The following HOXB2 variants were observed in gnomAD, a reference collection of about 807,000 sequenced individuals.
HOXB2 encodes the protein homeobox B2, also known as homeobox protein Hox-B2.
Under a neutral mutation model 13.1 loss-of-function variants are expected in HOXB2, and 14 were observed. The ratio of observed to expected loss-of-function variants is 1.07; its 90% CI spans 0.71 to 1.67. HOXB2 has a LOEUF of 1.67. Among genes scored for constraint, HOXB2 ranks in the 40% most tolerant of loss-of-function variants. The pLI is 0.00. For missense variants in HOXB2, 582 were observed against 488.3 expected (o/e 1.19, Z -1.81); for synonymous variants, 261 against 233.1 (o/e 1.12, Z -1.09).
In HOXB2 at chr17:48,542,729, TAAAG is replaced by T. The variant is rs2068510227; in HGVS notation, c.*335_*338del. On this transcript the variant is annotated 3_prime_UTR_variant, in exon 2 of 2. Coordinates refer to ENST00000330070, the MANE Select transcript of HOXB2 (RefSeq NM_002145.4). Reference sequence around the variant, plus strand: ...AAATACTTTCCCCTTTTCCTATTATTAAAGAATTTTAATAAATAATCTACAGTCT... The same window carrying T: ...AAATACTTTCCCCTTTTCCTATTATTAATTTTAATAAATAATCTACAGTCT... 5.3e-6 allele frequency: 1 copy of T among 186,948 alleles called. No individual in the cohort carries two copies. The highest frequency in any genetic ancestry group is 1.1e-5 in the Non-Finnish European group (1 of 91,524). The allele number at this position is 186,948 out of a possible 1,614,324, so 11.6% of individuals were successfully genotyped here.
At position 48,543,692 on chromosome 17, in the gene HOXB2, A is replaced by C; in HGVS notation, c.447T>G (p.Ala149=). Reference sequence around the variant, plus strand: ...GTTCCAGCAGCTGCGTGTTGGTGTAAGCCGTGCGCAGCCTGCGCGCCCCGC... The same window carrying C: ...GTTCCAGCAGCTGCGTGTTGGTGTACGCCGTGCGCAGCCTGCGCGCCCCGC... ...GGGGARRLRT[A]YTNTQLLELE... The change falls in exon 2 of 2, where the codon GCT becomes GCG. Residue 149 remains alanine (A), a synonymous_variant. Coordinates refer to ENST00000330070, the MANE Select transcript of HOXB2 (RefSeq NM_002145.4). 1 of 1,610,654 alleles carries C rather than the reference A, an allele frequency of 6.2e-7. No individual in the cohort carries two copies. Among genetic ancestry groups the C allele is most frequent in the Non-Finnish European group, 8.5e-7 (1 of 1,178,212 alleles).
In HOXB2 at chr17:48,543,443, C is replaced by T. The variant is rs766740565; in HGVS notation, c.696G>A (p.Pro232=). Residue 232 remains proline, a synonymous_variant, in exon 2 of 2, where the codon CCG becomes CCA. Coordinates refer to ENST00000330070, the MANE Select transcript of HOXB2 (RefSeq NM_002145.4). ...CDPAEEPAAS[P]GGPSASRAAW... is the part of the protein sequence containing the mutation. ...CCGCCCGCGAGGCGGAGGGGCCGCC[C>T]GGGCTGGCCGCGGGTTCCTCGGCAG... 3.1e-5 allele frequency: 49 copies of T among 1,600,960 alleles called. No homozygotes were observed. The African/African-American group carries it at 4.3e-4, about 14-fold the overall frequency.
chr17:48,543,251 CG>C lies in HOXB2; in HGVS notation c.887del (p.Ser296TrpfsTer91). On this transcript the variant is annotated frameshift_variant, in exon 2 of 2. Transcript: ENST00000330070. LOFTEE classifies it high-confidence loss of function. ...EPGPLPEDVF[S>X]GRQDSPFLPD... Reference sequence around the variant, plus strand: ...GAAGGAAAGGTGAATCCTGGCGCCCCGAGAAGACGTCTTCTGGCAATGGCCC... The same window carrying C: ...GAAGGAAAGGTGAATCCTGGCGCCCCAGAAGACGTCTTCTGGCAATGGCCC... 15 of 1,610,798 alleles carry C rather than the reference CG, an allele frequency of 9.3e-6. No homozygotes were observed. Among genetic ancestry groups the C allele is most frequent in the Non-Finnish European group, 1.3e-5 (15 of 1,179,894 alleles).
rs1167247780 is a variant in HOXB2, at chr17:48,544,737, C to G, written c.175G>C (p.Gly59Arg). Reference sequence around the variant, plus strand: ...CTGGGTCTCTGAAGGGTGGAGGCGCCGGGCTGGAGGCTGGGGAAGGTTTGC... The same window carrying G: ...CTGGGTCTCTGAAGGGTGGAGGCGCGGGGCTGGAGGCTGGGGAAGGTTTGC... ...FEQTFPSLQP[G>R]ASTLQRPRSQ... Residue 59 changes from glycine to arginine, a missense_variant, in exon 1 of 2, where the codon GGC becomes CGC. Coordinates refer to ENST00000330070, the MANE Select transcript of HOXB2 (RefSeq NM_002145.4). The G allele has an allele frequency of 6.2e-7, 1 of 1,613,964 alleles. No homozygotes were observed. Among genetic ancestry groups the G allele is most frequent in the Non-Finnish European group, 8.5e-7 (1 of 1,179,986 alleles).
In HOXB2 at chr17:48,545,008, G is replaced by C; in HGVS notation, c.-97C>G. The stretch of plus-strand genomic sequence containing the variant: ...TGCACCCCCCCCGATTTATGTAATG[G>C]AGCGATTTTGGGAGGGGGAGATTTC... On this transcript the variant is annotated 5_prime_UTR_variant, in exon 1 of 2. Coordinates refer to ENST00000330070, the MANE Select transcript of HOXB2 (RefSeq NM_002145.4). 1.6e-6 allele frequency: 2 copies of C among 1,254,324 alleles called. No homozygotes were observed. Among genetic ancestry groups the C allele is most frequent in the Non-Finnish European group, 1.1e-6 (1 of 924,534 alleles). 77.7% of individuals were successfully genotyped at this position (1,254,324 alleles called of 1,614,324 possible). A position where few individuals can be genotyped will look rare whatever the true frequency, so the allele number is the denominator to read the frequency against.
chr17:48,544,430 G>A (rs2068544264), intron 1 of HOXB2, 91 bp downstream of exon 1: 1 of 1,466,020 alleles, frequency 6.8e-7, no homozygotes, highest in Non-Finnish European at 9.0e-7. Context: ...ACCCCAACAG[G>A]CTCGCCACCA....
At position 48,544,851 on chromosome 17, in the gene HOXB2, ACT is replaced by A. The variant is rs2068552734; in HGVS notation, c.59_60del (p.Glu20ValfsTer145). On this transcript the variant is annotated frameshift_variant, in exon 1 of 2. Coordinates refer to ENST00000330070, the MANE Select transcript of HOXB2 (RefSeq NM_002145.4). LOFTEE classifies it high-confidence loss of function. Reference sequence around the variant, plus strand: ...AAGACAGCGGGGAAGGAAGTCAGACACTCGGCGAGCGACGGCTGGCTGTTTAT... The same window carrying A: ...AAGACAGCGGGGAAGGAAGTCAGACACGGCGAGCGACGGCTGGCTGTTTAT... ...GFINSQPSLA[E>X]CLTSFPAVLE... 1 of 1,607,608 alleles carries A rather than the reference ACT, an allele frequency of 6.2e-7. No individual in the cohort carries two copies. Among genetic ancestry groups the A allele is most frequent in the African/African-American group, 1.4e-5 (1 of 73,482 alleles).
chr17:48,544,341 A>C (rs2068543391), intron 1 of HOXB2, 180 bp downstream of exon 1: 1 of 1,404,354 alleles, frequency 7.1e-7, no homozygotes, highest in Non-Finnish European at 9.2e-7. Context: ...CAGAAAAAAA[A>C]AAAGACGCTG....
Position 48,544,641 on chromosome 17 carries a change from G to T in HOXB2, c.271C>A (p.Pro91Thr). ...PPPPPLPAAPPAPEFPWMKEK... is the reference protein window; with the variant it reads ...PPPPPLPAAPTAPEFPWMKEK... Reference sequence around the variant, plus strand: ...TTCATCCAAGGGAACTCGGGGGCCGGGGGGGCAGCGGGGAGTGGCGGCGGC... The same window carrying T: ...TTCATCCAAGGGAACTCGGGGGCCGTGGGGGCAGCGGGGAGTGGCGGCGGC... The change falls in exon 1 of 2, where the codon CCG becomes ACG. Residue 91 changes from proline to threonine, a missense_variant. By Grantham distance (38) the Pro-to-Thr change is conservative. Coordinates refer to ENST00000330070, the MANE Select transcript of HOXB2 (RefSeq NM_002145.4). The T allele has an allele frequency of 6.2e-7, 1 of 1,612,036 alleles. No homozygotes were observed. The highest frequency in any genetic ancestry group is 8.5e-7 in the Non-Finnish European group (1 of 1,179,526).
rs1598739140 is a variant in HOXB2 at position 48,544,366 on chromosome 17, T to C, written c.391+155A>G. ...AAAAGACGCTGTTAGCGGCCAGGCC[T>C]GAACCCCAGTGGGATATTCTACTTC... is the stretch of plus-strand genomic sequence containing the variant. On this transcript the variant is annotated intron_variant, in intron 1 of 1. Coordinates refer to ENST00000330070, the MANE Select transcript of HOXB2 (RefSeq NM_002145.4). 2.8e-6 allele frequency: 4 copies of C among 1,424,966 alleles called. No homozygotes were observed. In the South Asian group the frequency reaches 6.1e-5, roughly 22 times the overall value. 88.3% of individuals were successfully genotyped at this position (1,424,966 alleles called of 1,614,324 possible). A position where few individuals can be genotyped will look rare whatever the true frequency, so the allele number is the denominator to read the frequency against.
Position 48,544,940 on chromosome 17 carries a change from TG to T in HOXB2, c.-30del, listed in dbSNP as rs747142697. 0.032 allele frequency: 8,671 copies of T among 271,370 alleles called. 52 individuals are homozygous for T. The highest frequency in any genetic ancestry group is 0.042 in the Non-Finnish European group (7,084 of 170,134). The allele number at this position is 271,370 out of a possible 1,614,324, so 16.8% of individuals were successfully genotyped here. On this transcript the variant is annotated 5_prime_UTR_variant, in exon 1 of 2. Coordinates refer to ENST00000330070, the MANE Select transcript of HOXB2 (RefSeq NM_002145.4). ...TTTCAATGGTGGGGGAGGGGGCTGCTGGGGGGGGCGTCAGGAGGGAGGATCG... is the reference window on the plus strand; with the variant it reads ...TTTCAATGGTGGGGGAGGGGGCTGCTGGGGGGGCGTCAGGAGGGAGGATCG...
chr17:48,543,354 G>C lies in HOXB2; in HGVS notation c.785C>G (p.Pro262Arg), dbSNP rs752214609. The C allele has an allele frequency of 6.3e-7, 1 of 1,595,514 alleles. No individual in the cohort carries two copies. The highest frequency in any genetic ancestry group is 1.7e-5 in the Admixed American group (1 of 57,924). The part of the protein sequence containing the change: ...VPGALSADPR[P>R]LAVRLEGAGA... ...TGCGCCCTCTAAGCGAACGGCTAAAGGCCGGGGGTCCGCGCTTAAGGCCCC... is the reference window on the plus strand; with the variant it reads ...TGCGCCCTCTAAGCGAACGGCTAAACGCCGGGGGTCCGCGCTTAAGGCCCC... Residue 262 changes from proline to arginine, a missense_variant, in exon 2 of 2, where the codon CCT (proline) becomes CGT (arginine). Transcript: ENST00000330070.
Position 48,543,619 on chromosome 17 carries a change from C to T in HOXB2, c.520G>A (p.Val174Ile), listed in dbSNP as rs1231603257. The T allele has an allele frequency of 6.2e-7, 1 of 1,613,544 alleles. No individual in the cohort carries two copies. Among genetic ancestry groups the T allele is most frequent in the Non-Finnish European group, 8.5e-7 (1 of 1,180,018 alleles). ...FNKYLCRPRR[V>I]EIAALLDLTE... ...AGGTCCAGCAAGGCCGCGATCTCGACGCGGCGTGGCCGGCACAGGTACTTA... is the reference window on the plus strand; with the variant it reads ...AGGTCCAGCAAGGCCGCGATCTCGATGCGGCGTGGCCGGCACAGGTACTTA... The change falls in exon 2 of 2, where the codon GTC becomes ATC. Residue 174 changes from valine (V) to isoleucine (I), a missense_variant. Transcript: ENST00000330070.
Position 48,542,812 on chromosome 17 carries a change from C to T in HOXB2, c.*256G>A. 2.8e-6 allele frequency: 1 copy of T among 359,366 alleles called. No individual in the cohort carries two copies. The highest frequency in any genetic ancestry group is 4.9e-6 in the Non-Finnish European group (1 of 202,792). The allele number at this position is 359,366 out of a possible 1,614,324, so 22.3% of individuals were successfully genotyped here. ...CTCTAGTTATTTTTAAGAAAGTCCCCCTAGAGTTTAATTATTCCTGAGATT... is the reference window on the plus strand; with the variant it reads ...CTCTAGTTATTTTTAAGAAAGTCCCTCTAGAGTTTAATTATTCCTGAGATT... On this transcript the variant is annotated 3_prime_UTR_variant, in exon 2 of 2. Coordinates refer to ENST00000330070, the MANE Select transcript of HOXB2 (RefSeq NM_002145.4).
At chr17:48,544,363 G>A in intron 1 of HOXB2, 158 bp downstream of exon 1, 1 of 1,426,360 alleles carries the variant, frequency 7.0e-7, no homozygotes, top group Non-Finnish European at 9.1e-7. Context: ...TAGCGGCCAG[G>A]CCTGAACCCC....
At chr17:48,544,476 C>A (rs1038768565) in intron 1 of HOXB2, 45 bp downstream of exon 1, 5 of 1,540,312 alleles carry the variant, frequency 3.2e-6, no homozygotes, top group South Asian at 1.2e-5. Flanking sequence ...TTTTTCTCCC[C>A]CTCTTCTAGC....
rs1425711655 is a variant in HOXB2 at position 48,544,739 on chromosome 17, G to C, written c.173C>G (p.Pro58Arg). ...PFEQTFPSLQ[P>R]GASTLQRPRS... ...GGGTCTCTGAAGGGTGGAGGCGCCG[G>C]GCTGGAGGCTGGGGAAGGTTTGCTC... The change falls in exon 1 of 2, where the codon CCC (proline) becomes CGC (arginine). Residue 58 changes from proline to arginine, a missense_variant. Pro to Arg is a moderately radical substitution (Grantham distance 103). Transcript: ENST00000330070. The C allele has an allele frequency of 1.2e-6, 2 of 1,614,132 alleles. No individual in the cohort carries two copies. Among genetic ancestry groups the C allele is most frequent in the South Asian group, 2.2e-5 (2 of 91,078 alleles).
chr17:48,543,585 C>T lies in HOXB2; in HGVS notation c.554G>A (p.Arg185Lys), dbSNP rs2068528592. 1 of 1,613,416 alleles carries T rather than the reference C, an allele frequency of 6.2e-7. No individual in the cohort carries two copies. Among genetic ancestry groups the T allele is most frequent in the Non-Finnish European group, 8.5e-7 (1 of 1,179,996 alleles). The change falls in exon 2 of 2, where the codon AGG becomes AAG. Residue 185 changes from arginine (R) to lysine (K), a missense_variant. Coordinates refer to ENST00000330070, the MANE Select transcript of HOXB2 (RefSeq NM_002145.4). Reference sequence around the variant, plus strand: ...GTTCTGAAACCAGACTTTGACCTGCCTTTCGGTGAGGTCCAGCAAGGCCGC... The same window carrying T: ...GTTCTGAAACCAGACTTTGACCTGCTTTTCGGTGAGGTCCAGCAAGGCCGC... ...EIAALLDLTERQVKVWFQNRR... is the reference protein window; with the variant it reads ...EIAALLDLTEKQVKVWFQNRR...
In HOXB2 at chr17:48,542,878, A is replaced by G; in HGVS notation, c.*190T>C. On this transcript the variant is annotated 3_prime_UTR_variant, in exon 2 of 2. Transcript: ENST00000330070. ...TACCAAACGGAATTTTTCTGTGTGA[A>G]TTTTAAAAGATAACCGAGTGCCCAA... 2 of 428,750 alleles carry G rather than the reference A, an allele frequency of 4.7e-6. No individual in the cohort carries two copies. The highest frequency in any genetic ancestry group is 8.2e-6 in the Non-Finnish European group (2 of 244,744). The allele number at this position is 428,750 out of a possible 1,614,324, so 26.6% of individuals were successfully genotyped here. A position where few individuals can be genotyped will look rare whatever the true frequency, so the allele number is the denominator to read the frequency against.
Sources: allele counts gnomAD v4.1 joint callset, GRCh38; gene constraint gnomAD v4.1.1; transcripts MANE v1.5; gene names NCBI Gene and HGNC (gene_info 2026-07-23, HGNC 2026-07-21).